Variants in NCKAP5 observed in about 807,000 individuals in gnomAD.
The protein encoded by NCKAP5 is nck-associated protein 5.
Under a neutral mutation model 167.0 loss-of-function variants are expected in NCKAP5, and 92 were observed. The observed-to-expected ratio is 0.55, with a 90% CI of 0.47 to 0.66. The LOEUF (loss-of-function observed/expected upper bound fraction) is 0.66. Ranked by LOEUF, NCKAP5 falls within the 30% of genes least tolerant of loss-of-function variation. The pLI, the probability that NCKAP5 is intolerant of heterozygous loss-of-function variation, is 0.00. For synonymous variants in NCKAP5, 891 were observed against 877.4 expected, an observed-to-expected ratio of 1.02 and a Z score of -0.27; for missense variants, 2,378 against 2,315.0, an observed-to-expected ratio of 1.03 and a Z score of -0.56.
At chr2:132,832,406 A>C (rs146471271) in intron 11 of NCKAP5, among the ~76,000 whole-genome samples, 1 of 152,230 alleles carries the variant, frequency 6.6e-6, no homozygotes, top group Non-Finnish European at 1.5e-5. Flanking sequence ...ATGGGGTACA[A>C]GTGCAACTTT....
At chr2:133,275,316 A>G (rs939552436) in intron 4 of NCKAP5, among the ~76,000 whole-genome samples, 1 of 152,050 alleles carries the variant, frequency 6.6e-6, no homozygotes, top group Admixed American at 6.6e-5. Context: ...TAATTTGGAT[A>G]TATTTATTAA....
At chr2:133,471,459 G>C (rs958731351) in intron 3 of NCKAP5, among the ~76,000 whole-genome samples, 1 of 152,040 alleles carries the variant, frequency 6.6e-6, no homozygotes, top group African/African-American at 2.4e-5. Context: ...TGCAAATTTG[G>C]TCTGTCTTTG....
intron 6 of NCKAP5, among the ~76,000 whole-genome samples, chr2:132,999,603 T>G (rs2077713318): frequency 6.6e-6 from 1 of 152,240 alleles, no homozygotes; most frequent in Non-Finnish European, 1.5e-5. Flanking sequence ...TTCTTTGTAA[T>G]CAGAGACTAT....
chr2:133,032,584 G>A (rs1315886559), intron 6 of NCKAP5, among the ~76,000 whole-genome samples: 2 of 152,188 alleles, frequency 1.3e-5, no homozygotes, highest in Non-Finnish European at 2.9e-5. Context: ...TTTGCCACCT[G>A]CTTATTGTAG....
chr2:133,309,564 T>C (rs987851030), intron 3 of NCKAP5, among the ~76,000 whole-genome samples: 7 of 152,242 alleles, frequency 4.6e-5, no homozygotes, highest in African/African-American at 1.7e-4. Context: ...ATCTGTTCCC[T>C]GGCTAAAACT....
chr2:133,605,310 C>T, the NCKAP5 span, among the ~76,000 whole-genome samples: 1 of 152,076 alleles, frequency 6.6e-6, no homozygotes, highest in African/African-American at 2.4e-5. Flanking sequence ...GTGTGAAAAT[C>T]CTTGATCCTT....
the NCKAP5 span, among the ~76,000 whole-genome samples, chr2:133,589,473 G>A: frequency 9.2e-5 from 14 of 152,110 alleles, no homozygotes; most frequent in East Asian, 1.9e-4. Context: ...ATGAGGAGAC[G>A]TCCAGGGGGA....
At chr2:132,975,683 G>C (rs1239000209) in intron 7 of NCKAP5, among the ~76,000 whole-genome samples, 2 of 151,968 alleles carry the variant, frequency 1.3e-5, no homozygotes, top group African/African-American at 4.8e-5. Context: ...AGTTGTTTGA[G>C]TATAAGCTGG....
chr2:133,059,047 C>G (rs2149509382), intron 6 of NCKAP5, among the ~76,000 whole-genome samples: 1 of 152,232 alleles, frequency 6.6e-6, no homozygotes, highest in East Asian at 1.9e-4. Context: ...AGCCTGTAAT[C>G]CCAGCACTTT....
chr2:133,150,767 T>C (rs1488448735), intron 5 of NCKAP5, among the ~76,000 whole-genome samples: 1 of 152,204 alleles, frequency 6.6e-6, no homozygotes, highest in African/African-American at 2.4e-5. Flanking sequence ...TTACCATATA[T>C]GTACATCTGC....
chr2:133,390,515 C>G (rs1430271995), intron 3 of NCKAP5, among the ~76,000 whole-genome samples: 1 of 152,176 alleles, frequency 6.6e-6, no homozygotes, highest in Non-Finnish European at 1.5e-5. Flanking sequence ...TGGTTTCTTA[C>G]AGAAAATGCT....
intron 19 of NCKAP5, among the ~76,000 whole-genome samples, chr2:132,705,264 C>T (rs908214170): frequency 8.5e-5 from 12 of 140,618 alleles, no homozygotes; most frequent in African/African-American, 2.9e-4. Flanking sequence ...TTTCTCTCAT[C>T]CTTAAAAAAA....
intron 8 of NCKAP5, among the ~76,000 whole-genome samples, chr2:132,900,851 T>A (rs1400893499): frequency 2.6e-5 from 4 of 151,598 alleles, no homozygotes; most frequent in Non-Finnish European, 5.9e-5. Flanking sequence ...TCCCAGCTAC[T>A]TGGGAGGCTG....
At chr2:133,529,411 A>G (rs1027910419) in intron 2 of NCKAP5, among the ~76,000 whole-genome samples, 5 of 152,124 alleles carry the variant, frequency 3.3e-5, no homozygotes, top group African/African-American at 1.2e-4. Flanking sequence ...ACCTGGGCCT[A>G]GTTCAGTTTT....
chr2:132,794,122 T>G (rs2105139864), intron 12 of NCKAP5, among the ~76,000 whole-genome samples: 1 of 150,702 alleles, frequency 6.6e-6, no homozygotes, highest in South Asian at 2.1e-4. Context: ...ATGAAAGTAG[T>G]TACTATGTGG....
chr2:132,743,999 C>A (rs1209573929), intron 16 of NCKAP5, among the ~76,000 whole-genome samples: 2 of 151,446 alleles, frequency 1.3e-5, no homozygotes, highest in Admixed American at 6.6e-5. Flanking sequence ...CATTATAATC[C>A]TAAATATGTA....
chr2:133,427,017 T>C (rs925619123), intron 3 of NCKAP5, among the ~76,000 whole-genome samples: 3 of 152,214 alleles, frequency 2.0e-5, no homozygotes, highest in African/African-American at 7.2e-5. Flanking sequence ...CCCTGCAGCA[T>C]TTGAGCTGAG....
intron 3 of NCKAP5, among the ~76,000 whole-genome samples, chr2:133,419,428 T>A (rs887747286): frequency 2.0e-5 from 3 of 152,218 alleles, no homozygotes; most frequent in African/African-American, 7.2e-5. Context: ...GTGGATTTTT[T>A]AAAATAATTT....
intron 3 of NCKAP5, among the ~76,000 whole-genome samples, chr2:133,439,168 C>A (rs1457099399): frequency 6.6e-6 from 1 of 152,122 alleles, no homozygotes; most frequent in Non-Finnish European, 1.5e-5. Flanking sequence ...GGATATTACG[C>A]TAAATATTTG....
Sources: allele counts gnomAD v4.1 joint callset (sites outside exome capture counted in the v4.1 genomes callset), GRCh38; gene constraint gnomAD v4.1.1; transcripts MANE v1.5; gene names NCBI Gene and HGNC (gene_info 2026-07-23, HGNC 2026-07-21).